Variants in PLCH2 observed in about 807,000 individuals in gnomAD.
PLCH2 encodes the protein phospholipase C eta 2.
A neutral mutation model predicts 134.7 loss-of-function variants in PLCH2; 98 were observed. The ratio of observed to expected loss-of-function variants is 0.73; its 90% confidence interval spans 0.62 to 0.86. PLCH2 has a LOEUF of 0.86. Ranked by LOEUF, PLCH2 falls within the 40% of genes least tolerant of loss-of-function variation. PLCH2 has a pLI of 0.00. For missense variants in PLCH2, 1,994 were observed against 1,986.6 expected, an observed-to-expected ratio of 1.00 and a Z score of -0.07; for synonymous variants, 974 against 827.5, an observed-to-expected ratio of 1.18 and a Z score of -3.04.
intron 2 of PLCH2, among the ~76,000 whole-genome samples, chr1:2,440,292 G>A (rs1056954507): frequency 1.3e-5 from 2 of 152,186 alleles, no homozygotes; most frequent in Admixed American, 1.3e-4. Context: ...GGAGGATCTC[G>A]GGTGGGGGGC....
intron 2 of PLCH2, among the ~76,000 whole-genome samples, chr1:2,451,299 T>A (rs1171507338): frequency 6.6e-6 from 1 of 152,174 alleles, no homozygotes; most frequent in Non-Finnish European, 1.5e-5. Context: ...CAGAGATGTG[T>A]GTGCCTCCCC....
chr1:2,493,899 G>A (rs184657651), intron 11 of PLCH2: 345 of 153,228 alleles, frequency 2.3e-3, no homozygotes, highest in Admixed American at 3.4e-3. Flanking sequence ...CAGTGTGGGA[G>A]CATCCAGGGG....
At position 2,504,861 on chromosome 1, in the gene PLCH2, C is replaced by T; in HGVS notation, c.3899C>T (p.Thr1300Ile). Residue 1300 changes from threonine to isoleucine, a missense_variant, in exon 22 of 22, where the codon ACA (threonine) becomes ATA (isoleucine). Physicochemically the swap from Thr to Ile is moderately conservative, Grantham distance 89 (BLOSUM62 -1). Coordinates refer to ENST00000378486, the MANE Select transcript of PLCH2 (RefSeq NM_014638.4). ...SGPGVRRDTL[T>I]EQLRWLTVFQ... ...CCAGGGGTGAGACGGGACACCCTGA[C>T]AGAGCAGCTGCGCTGGCTCACTGTC... 2 of 1,599,612 alleles carry T rather than the reference C, an allele frequency of 1.3e-6. No individual in the cohort carries two copies. Among genetic ancestry groups the T allele is most frequent in the Non-Finnish European group, 1.7e-6 (2 of 1,173,360 alleles).
chr1:2,429,164 G>T (rs1638947641), intron 1 of PLCH2, among the ~76,000 whole-genome samples: 1 of 152,128 alleles, frequency 6.6e-6, no homozygotes, highest in South Asian at 2.1e-4. Flanking sequence ...TCAAGGGTGG[G>T]GGTCCTACCT....
In PLCH2 at chr1:2,449,979, C is replaced by T. The variant is rs868125988; in HGVS notation, c.115+19350C>T. 5.3e-5 allele frequency among the ~76,000 whole-genome samples: 8 copies of T among 152,338 alleles called. No individual in the cohort carries two copies. The East Asian group carries it at 1.4e-3, about 26-fold the overall frequency. On this transcript the variant is annotated intron_variant, in intron 2 of 3. Coordinates refer to the PLCH2 transcript ENST00000609981. ...GGCTGGCCTCGGACTGGGCTGCCGC[C>T]GCCAAGCTCAGCCCTGGGGAAGTGG...
chr1:2,436,852 G>A (rs1639447060), intron 2 of PLCH2, among the ~76,000 whole-genome samples: 1 of 152,220 alleles, frequency 6.6e-6, no homozygotes, highest in South Asian at 2.1e-4. Context: ...AGGGTAGGTG[G>A]GGACCTGCAG....
chr1:2,425,999 T>G (rs1159960099), exon 1 of PLCH2: 1 of 152,240 alleles, frequency 6.6e-6, no homozygotes, highest in East Asian at 1.9e-4. Context: ...TGCGGCAGCT[T>G]TCTGTTCTCC....
chr1:2,466,100 T>G (rs1641045843), upstream of PLCH2, among the ~76,000 whole-genome samples: 1 of 152,122 alleles, frequency 6.6e-6, no homozygotes, highest in Admixed American at 6.5e-5. Context: ...CTGGCACACG[T>G]GCACTGCAGT....
At chr1:2,468,230 T>C (rs576498806) in intron 1 of PLCH2, among the ~76,000 whole-genome samples, 17 of 152,334 alleles carry the variant, frequency 1.1e-4, no homozygotes, top group Admixed American at 5.2e-4. Context: ...CTGCTTTCTC[T>C]GGGGGGCCTG....
upstream of PLCH2, among the ~76,000 whole-genome samples, chr1:2,422,617 TTGTTACATTATCATCTGTTG>T (rs1423630691): frequency 1.4e-4 from 21 of 152,372 alleles, 1 homozygote; most frequent in Admixed American, 6.5e-4. Context: ...ACTTTTTGTA[TTGTTACATTATCATCTGTTG>T]TGTTACATTA....
chr1:2,447,655 G>A (rs1211222393), intron 2 of PLCH2, among the ~76,000 whole-genome samples: 1 of 152,188 alleles, frequency 6.6e-6, no homozygotes, highest in Non-Finnish European at 1.5e-5. Context: ...TTGCTGAAAT[G>A]TCCCCAGCTT....
At chr1:2,479,446 C>T (rs886574397) in intron 2 of PLCH2, 4 of 359,542 alleles carry the variant, frequency 1.1e-5, no homozygotes, top group South Asian at 8.1e-5. Context: ...CCGGGCCAGC[C>T]GGGCACTGGG....
chr1:2,430,316 C>T (rs1399405010), intron 1 of PLCH2: 1 of 152,586 alleles, frequency 6.6e-6, no homozygotes, highest in African/African-American at 2.4e-5. Context: ...CCAACTCCCT[C>T]TGGCCTTCTT....
At position 2,499,553 on chromosome 1, in the gene PLCH2, T is replaced by G. The variant is rs1421587027; in HGVS notation, c.2582-88T>G. ...GGCTTGTTGGGTGTATCTGGGGTCT[T>G]GGGACCTTTAAGTAGAATGGGGGGC... On this transcript the variant is annotated intron_variant, in intron 19 of 21. Transcript: ENST00000378486. The G allele has an allele frequency of 3.9e-6, 4 of 1,032,124 alleles. No individual in the cohort carries two copies. The African/African-American group carries it at 6.3e-5, about 16-fold the overall frequency. The allele number at this position is 1,032,124 out of a possible 1,614,324, so 63.9% of individuals were successfully genotyped here.
At chr1:2,489,086 G>A in intron 8 of PLCH2, 121 bp from the exon 9 acceptor site, 5 of 884,394 alleles carry the variant, frequency 5.7e-6, no homozygotes, top group Non-Finnish European at 8.8e-6. Context: ...GCTATCCTGG[G>A]TTCCTGGTGA....
chr1:2,499,094 C>T lies in PLCH2; in HGVS notation c.2445C>T (p.Pro815=), dbSNP rs1199689638. The T allele has an allele frequency of 1.9e-6, 3 of 1,610,314 alleles. No homozygotes were observed. Among genetic ancestry groups the T allele is most frequent in the Admixed American group, 1.7e-5 (1 of 59,666 alleles). The change falls in exon 19 of 22, where the codon CCC becomes CCT. Residue 815 remains proline (P), a synonymous_variant. Coordinates refer to ENST00000378486, the MANE Select transcript of PLCH2 (RefSeq NM_014638.4). ...GCGCTGCTTCCCCAGGGTTCAACCC[C>T]ACCTGGGAGGAGACCCTGGTTTTCA... ...TRVVDDNGFN[P]TWEETLVFMV...
Position 2,489,883 on chromosome 1 carries a change from G to A in PLCH2, c.1515+16G>A. ...CAATGGGGATGTGAGTCGGGCTGGA[G>A]GTGGAGGGGGGCGCGTGGAGCCTGC... On this transcript the variant is annotated intron_variant, in intron 10 of 21. Coordinates refer to ENST00000378486, the MANE Select transcript of PLCH2 (RefSeq NM_014638.4). 6.4e-7 allele frequency: 1 copy of A among 1,551,978 alleles called. No individual in the cohort carries two copies. The highest frequency in any genetic ancestry group is 1.4e-5 in the African/African-American group (1 of 73,810).
rs1557426937 is a variant in PLCH2 at position 2,504,780 on chromosome 1, C to CCCGCAGACTGAG, written c.3821_3832dup (p.Arg1274_Ser1277dup). 6.2e-7 allele frequency: 1 copy of CCCGCAGACTGAG among 1,612,118 alleles called. No individual in the cohort carries two copies. Among genetic ancestry groups the CCCGCAGACTGAG allele is most frequent in the Admixed American group, 1.7e-5 (1 of 59,982 alleles). On this transcript the variant is annotated inframe_insertion, in exon 22 of 22. Transcript: ENST00000378486. ...TTTGCCCCTAGCTTTGAGGGCGGCT[C>CCCGCAGACTGAG]CCGCAGACTGAGCCACAGCCTGGGC...
At chr1:2,445,980 C>A (rs1370594316) in intron 2 of PLCH2, among the ~76,000 whole-genome samples, 1 of 152,188 alleles carries the variant, frequency 6.6e-6, no homozygotes, top group Non-Finnish European at 1.5e-5. Flanking sequence ...CTGGCCCGAG[C>A]CCCATGCCAG....
Sources: allele counts gnomAD v4.1 joint callset (sites outside exome capture counted in the v4.1 genomes callset), GRCh38; gene constraint gnomAD v4.1.1; transcripts MANE v1.5; gene names NCBI Gene and HGNC (gene_info 2026-07-23, HGNC 2026-07-21).